SOS2: variants seen among roughly 807,000 people sequenced by gnomAD.
SOS2 encodes the protein SOS Ras/Rho guanine nucleotide exchange factor 2, also known as son of sevenless homolog 2.
Under a neutral mutation model 148.2 loss-of-function variants are expected in SOS2, and 65 were observed. The observed-to-expected ratio is 0.44, with a 90% confidence interval of 0.36 to 0.54. SOS2 has a LOEUF of 0.54. Ranked by LOEUF, SOS2 falls within the 20% of genes least tolerant of loss-of-function variation. SOS2 has a pLI of 0.00. For missense variants in SOS2, 1,341 were observed against 1,590.2 expected, an observed-to-expected ratio of 0.84 and a Z score of 2.67; for synonymous variants, 539 against 537.1, an observed-to-expected ratio of 1.00 and a Z score of -0.05.
intron 8 of SOS2, among the ~76,000 whole-genome samples, chr14:50,170,787 C>T (rs1033729876): frequency 1.3e-5 from 2 of 149,330 alleles, no homozygotes; most frequent in African/African-American, 4.9e-5. Context: ...GATACCACCT[C>T]GTATCCATTA....
At chr14:50,127,433 C>T (rs562917139) in intron 21 of SOS2, among the ~76,000 whole-genome samples, 15 of 152,252 alleles carry the variant, frequency 9.9e-5, no homozygotes, top group African/African-American at 3.4e-4. Context: ...TGAGCCACCG[C>T]GCCCGGCCCA....
chr14:50,141,403 C>A (rs1195598360), intron 16 of SOS2, among the ~76,000 whole-genome samples: 1 of 151,526 alleles, frequency 6.6e-6, no homozygotes, highest in African/African-American at 2.4e-5. Flanking sequence ...TGCCTATAGT[C>A]CCCACTACTC....
At chr14:50,135,065 C>T (rs1424444903) in intron 18 of SOS2, among the ~76,000 whole-genome samples, 1 of 88,262 alleles carries the variant, frequency 1.1e-5, no homozygotes, top group Non-Finnish European at 2.0e-5. Flanking sequence ...AAGAGCGAGA[C>T]TGTCTCAAAA....
chr14:50,140,156 G>A, intron 16 of SOS2, 97 bp from the exon 17 acceptor site: 2 of 611,230 alleles, frequency 3.3e-6, no homozygotes, highest in Non-Finnish European at 2.9e-6. Flanking sequence ...CAAATTATCT[G>A]GAAAACAATT....
rs751814626 is a variant in SOS2, at chr14:50,231,259, C to G, written c.25G>C (p.Glu9Gln). The G allele has an allele frequency of 1.3e-6, 2 of 1,488,092 alleles. No homozygotes were observed. The highest frequency in any genetic ancestry group is 1.3e-5 in the South Asian group (1 of 74,642). 92.2% of individuals were successfully genotyped at this position (1,488,092 alleles called of 1,614,324 possible). The change falls in exon 1 of 23, where the codon GAG (glutamate) becomes CAG (glutamine). Residue 9 changes from glutamate to glutamine, a missense_variant. Physicochemically the swap from Glu to Gln is conservative, Grantham distance 29 (BLOSUM62 2). Transcript: ENST00000216373. ...GGACTGTTCTCCTCGCTGAAGAACT[C>G]GTAAGGCTGCGGCGCCTGCTGCATG... The part of the protein sequence containing the change: MQQAPQPY[E>Q]FFSEENSPKW...
At chr14:50,216,907 C>T (rs1887053817) in intron 1 of SOS2, among the ~76,000 whole-genome samples, 1 of 152,124 alleles carries the variant, frequency 6.6e-6, no homozygotes, top group South Asian at 2.1e-4. Flanking sequence ...AGATGCAACA[C>T]AATCTCAATC....
chr14:50,119,803 C>CTTTTT (rs59325250), intron 22 of SOS2, among the ~76,000 whole-genome samples: 13 of 68,522 alleles, frequency 1.9e-4, no homozygotes, highest in East Asian at 4.3e-4. Flanking sequence ...CCCAACCAGC[C>CTTTTT]TTTTTTTTTT....
chr14:50,165,658 T>C (rs1885142243), intron 8 of SOS2, among the ~76,000 whole-genome samples: 1 of 152,200 alleles, frequency 6.6e-6, no homozygotes, highest in Admixed American at 6.5e-5. Context: ...AGGGACACGT[T>C]TTATTCCTTT....
intron 8 of SOS2, among the ~76,000 whole-genome samples, chr14:50,170,145 C>A (rs1327797389): frequency 6.7e-6 from 1 of 149,996 alleles, no homozygotes; most frequent in Non-Finnish European, 1.5e-5. Flanking sequence ...GTTGCCCAGG[C>A]TGGTCTTGAA....
At chr14:50,212,743 C>A (rs1248840038) in intron 1 of SOS2, among the ~76,000 whole-genome samples, 1 of 152,108 alleles carries the variant, frequency 6.6e-6, no homozygotes, top group Non-Finnish European at 1.5e-5. Context: ...TTTTCTAGTG[C>A]CCATGTCACT....
chr14:50,141,348 A>C (rs1385789608), intron 16 of SOS2, among the ~76,000 whole-genome samples: 1 of 151,800 alleles, frequency 6.6e-6, no homozygotes, highest in Non-Finnish European at 1.5e-5. Context: ...AGCAACGCCC[A>C]ATCTCCACAT....
Position 50,199,762 on chromosome 14 carries a change from T to C in SOS2, c.439A>G (p.Asn147Asp), listed in dbSNP as rs1435992315. 1 of 1,606,142 alleles carries C rather than the reference T, an allele frequency of 6.2e-7. No homozygotes were observed. Among genetic ancestry groups the C allele is most frequent in the African/African-American group, 1.3e-5 (1 of 74,664 alleles). The change falls in exon 4 of 23, where the codon AAT (asparagine) becomes GAT (aspartate). Residue 147 changes from asparagine (N) to aspartate (D), a missense_variant. Asn to Asp is a conservative substitution (Grantham distance 23). Coordinates refer to ENST00000216373, the MANE Select transcript of SOS2 (RefSeq NM_006939.4). ...ISADILKLAG[N>D]YVFNIRHYEI... The stretch of plus-strand genomic sequence containing the variant: ...TAATGCCGGATATTAAAAACATAAT[T>C]ACCAGCCAATTTTAAAATATCAGCT...
At chr14:50,196,508 A>G in intron 4 of SOS2, among the ~76,000 whole-genome samples, 1 of 152,126 alleles carries the variant, frequency 6.6e-6, no homozygotes, top group South Asian at 2.1e-4. Context: ...ATCAAATACT[A>G]GATCTCATTC....
At chr14:50,227,174 C>T (rs1249255871) in intron 1 of SOS2, among the ~76,000 whole-genome samples, 2 of 151,732 alleles carry the variant, frequency 1.3e-5, no homozygotes, top group Non-Finnish European at 2.9e-5. Flanking sequence ...AAGAACACCA[C>T]ATTTCTATTC....
At chr14:50,230,807 TC>T in intron 1 of SOS2, 1 of 791,450 alleles carries the variant, frequency 1.3e-6, no homozygotes, top group Non-Finnish European at 1.5e-6. Context: ...GGGGGAACAC[TC>T]CCAAAGAACT....
chr14:50,194,665 C>G (rs1293334582), intron 4 of SOS2, among the ~76,000 whole-genome samples: 1 of 150,766 alleles, frequency 6.6e-6, no homozygotes, highest in Admixed American at 6.6e-5. Context: ...GTTATCCCAG[C>G]TACTTGAGAG....
At position 50,180,534 on chromosome 14, in the gene SOS2, A is replaced by T. The variant is rs886563186; in HGVS notation, c.969+38T>A. 2.8e-4 allele frequency: 44 copies of T among 159,520 alleles called. 1 individual carries two copies. In the South Asian group the frequency reaches 4.4e-3, roughly 16 times the overall value. 9.9% of individuals were successfully genotyped at this position (159,520 alleles called of 1,614,324 possible). On this transcript the variant is annotated intron_variant, in intron 7 of 22. Transcript: ENST00000216373. ...TAGTGAGATATTTATTTGCTTTATT[A>T]AAAAAAAAAAAAAAAAAAACCTTCA...
At chr14:50,155,214 AT>A (rs758631323) in intron 12 of SOS2, among the ~76,000 whole-genome samples, 1 of 151,252 alleles carries the variant, frequency 6.6e-6, no homozygotes, top group Non-Finnish European at 1.5e-5. Flanking sequence ...TGTTAGAAAA[AT>A]TACTACCACC....
In SOS2 at chr14:50,120,502, T is replaced by A. The variant is rs891328389; in HGVS notation, c.3380-118A>T. ...TCAGACTGTATCAACTATTGGTTTA[T>A]CTATCTTCCCCCATTAAATTGTAAG... is the stretch of plus-strand genomic sequence containing the variant. On this transcript the variant is annotated intron_variant, in intron 21 of 22. Coordinates refer to ENST00000216373, the MANE Select transcript of SOS2 (RefSeq NM_006939.4). 5 of 633,124 alleles carry A rather than the reference T, an allele frequency of 7.9e-6. No homozygotes were observed. In the African/African-American group the frequency reaches 9.5e-5, roughly 12 times the overall value. The allele number at this position is 633,124 out of a possible 1,614,324, so 39.2% of individuals were successfully genotyped here. A position where few individuals can be genotyped will look rare whatever the true frequency, so the allele number is the denominator to read the frequency against.
Sources: allele counts gnomAD v4.1 joint callset (sites outside exome capture counted in the v4.1 genomes callset), GRCh38; gene constraint gnomAD v4.1.1; transcripts MANE v1.5; gene names NCBI Gene and HGNC (gene_info 2026-07-23, HGNC 2026-07-21).